Variants in EXOC4 observed in about 807,000 individuals in gnomAD.
The protein encoded by EXOC4 is exocyst complex component 4.
A neutral mutation model predicts 107.2 loss-of-function variants in EXOC4; 71 were observed. The observed-to-expected ratio is 0.66, with a 90% CI of 0.55 to 0.81. The LOEUF (loss-of-function observed/expected upper bound fraction) is 0.81. EXOC4 is among the 30% of genes least tolerant of loss of function. The pLI, the probability that EXOC4 is intolerant of heterozygous loss-of-function variation, is 0.00. For synonymous variants in EXOC4, 456 were observed against 441.2 expected (o/e 1.03, Z -0.42); for missense variants, 1,108 against 1,189.6 (o/e 0.93, Z 1.01).
intron 12 of EXOC4, among the ~76,000 whole-genome samples, chr7:133,904,546 A>T (rs1173308949): frequency 6.6e-6 from 1 of 152,170 alleles, no homozygotes; most frequent in African/African-American, 2.4e-5. Context: ...CTGCTGTGGC[A>T]TCTCTGCTAG....
rs1800160901 is a variant in EXOC4, at chr7:133,530,456, T to C, written c.1417+50318T>C. 2.0e-5 allele frequency among the ~76,000 whole-genome samples: 3 copies of C among 152,310 alleles called. No homozygotes were observed. In the South Asian group the frequency reaches 6.2e-4, roughly 32 times the overall value. On this transcript the variant is annotated intron_variant, in intron 9 of 17. Transcript: ENST00000253861. ...GAGCACACACCTGTACAGCATGTTA[T>C]TGTACTGAATAGGGTATTTGTAACA...
chr7:133,988,338 AAGTT>A (rs1794164886), intron 14 of EXOC4, among the ~76,000 whole-genome samples: 1 of 152,184 alleles, frequency 6.6e-6, no homozygotes, highest in Non-Finnish European at 1.5e-5. Context: ...ACTAAGGAGA[AAGTT>A]AGAGTTGTAA....
At chr7:134,084,716 A>G in the EXOC4 span, among the ~76,000 whole-genome samples, 1 of 150,794 alleles carries the variant, frequency 6.6e-6, no homozygotes, top group East Asian at 1.9e-4. Context: ...CCGTAAAAAA[A>G]AAAAAAAAAA....
At chr7:133,915,944 T>C (rs897152467) in intron 12 of EXOC4, among the ~76,000 whole-genome samples, 1 of 152,130 alleles carries the variant, frequency 6.6e-6, no homozygotes, top group Non-Finnish European at 1.5e-5. Flanking sequence ...TGCCTTGAGC[T>C]CAAAACTTTA....
chr7:133,478,458 A>G (rs149404555), intron 8 of EXOC4, among the ~76,000 whole-genome samples: 20 of 152,328 alleles, frequency 1.3e-4, no homozygotes, highest in African/African-American at 4.3e-4. Context: ...TCTTGGTGCT[A>G]TCATTGAGCC....
At chr7:133,657,019 A>G (rs1049840913) in intron 10 of EXOC4, among the ~76,000 whole-genome samples, 1 of 152,180 alleles carries the variant, frequency 6.6e-6, no homozygotes, top group African/African-American at 2.4e-5. Flanking sequence ...GAAGTGGCAC[A>G]TATTATCTCT....
chr7:133,611,008 A>C (rs1236887277), intron 9 of EXOC4, among the ~76,000 whole-genome samples: 1 of 141,020 alleles, frequency 7.1e-6, no homozygotes, highest in East Asian at 2.1e-4. Context: ...TTTTTTGTAG[A>C]GATGGAGTTT....
chr7:133,710,984 A>G (rs1252614363), intron 10 of EXOC4, among the ~76,000 whole-genome samples: 3 of 152,080 alleles, frequency 2.0e-5, no homozygotes, highest in Admixed American at 6.5e-5. Flanking sequence ...TGAGCACAGT[A>G]TTGGTAAAGT....
chr7:133,484,096 ATT>A (rs765818911), intron 9 of EXOC4: 56 of 1,613,460 alleles, frequency 3.5e-5, no homozygotes, highest in Non-Finnish European at 4.6e-5. Flanking sequence ...AAAAGCTCAA[ATT>A]TTACAAAAGT....
intron 7 of EXOC4, among the ~76,000 whole-genome samples, chr7:133,436,553 C>T (rs1211461234): frequency 1.3e-5 from 2 of 150,738 alleles, no homozygotes; most frequent in African/African-American, 4.9e-5. Flanking sequence ...ACTCTACTGG[C>T]ATAATACTTC....
intron 5 of EXOC4, among the ~76,000 whole-genome samples, chr7:133,340,151 A>G (rs1000488245): frequency 1.3e-5 from 2 of 152,216 alleles, no homozygotes; most frequent in Admixed American, 6.5e-5. Context: ...TGGGTTTGTC[A>G]TAGATGGCTT....
chr7:133,334,822 T>G (rs1795474665), intron 5 of EXOC4, among the ~76,000 whole-genome samples: 1 of 152,180 alleles, frequency 6.6e-6, no homozygotes, highest in South Asian at 2.1e-4. Flanking sequence ...GAACATGTGT[T>G]GTTTGATTTT....
chr7:133,623,490 T>C (rs1399707108), intron 9 of EXOC4, among the ~76,000 whole-genome samples: 3 of 152,220 alleles, frequency 2.0e-5, no homozygotes, highest in Admixed American at 6.5e-5. Flanking sequence ...TCAACAAATA[T>C]GTACTGTGTG....
intron 10 of EXOC4, among the ~76,000 whole-genome samples, chr7:133,785,308 C>T (rs1467040476): frequency 1.3e-5 from 2 of 151,542 alleles, no homozygotes; most frequent in South Asian, 2.1e-4. Context: ...AAAAAAAAAT[C>T]GGTATTTGAT....
intron 12 of EXOC4, among the ~76,000 whole-genome samples, chr7:133,909,973 G>C (rs1276547762): frequency 7.3e-6 from 1 of 136,292 alleles, no homozygotes; most frequent in Non-Finnish European, 1.5e-5. Context: ...GCCCAGGCTG[G>C]AATGCAATGG....
chr7:133,869,517 C>G (rs569765138), intron 11 of EXOC4, among the ~76,000 whole-genome samples: 1 of 152,238 alleles, frequency 6.6e-6, no homozygotes, highest in East Asian at 1.9e-4. Flanking sequence ...AGTCTCCTGC[C>G]CTTTCTATCC....
intron 11 of EXOC4, among the ~76,000 whole-genome samples, chr7:133,857,246 T>C (rs13229418): frequency 0.12 from 764 of 6,302 alleles, 143 homozygotes; most frequent in Middle Eastern, 0.17. Flanking sequence ...TAGTGTCACA[T>C]ATATATATAT....
At chr7:133,300,615 G>T (rs1049188431) in intron 3 of EXOC4, among the ~76,000 whole-genome samples, 1 of 152,184 alleles carries the variant, frequency 6.6e-6, no homozygotes, top group African/African-American at 2.4e-5. Context: ...GGGTTCACTT[G>T]CTTGCACATT....
intron 9 of EXOC4, among the ~76,000 whole-genome samples, chr7:133,488,804 A>G (rs561140113): frequency 4.6e-5 from 7 of 152,054 alleles, no homozygotes; most frequent in African/African-American, 1.4e-4. Flanking sequence ...CTATGTAGCA[A>G]TGAAAATGAA....
Sources: gnomAD v4.1 joint callset for allele counts (sites outside exome capture counted in the v4.1 genomes callset) on GRCh38, gnomAD v4.1.1 for gene constraint, MANE v1.5 for transcripts, NCBI Gene and HGNC (gene_info 2026-07-23, HGNC 2026-07-21) for gene names.